TRPC5: variants seen among roughly 807,000 people sequenced by gnomAD.
The protein encoded by TRPC5 is transient receptor potential cation channel subfamily C member 5, also known as short transient receptor potential channel 5.
TRPC5 carries 9 observed loss-of-function variants against 56.5 expected under a neutral mutation model. The ratio of observed to expected loss-of-function variants is 0.16; its 90% CI spans 0.10 to 0.28. TRPC5 has a LOEUF of 0.28. Ranked by LOEUF, TRPC5 falls within the 10% of genes least tolerant of loss-of-function variation. The probability of loss-of-function intolerance (pLI) is 1.00; values close to 1 mark genes in which losing one functional copy is unlikely to be tolerated. For missense variants in TRPC5, 469 were observed against 748.9 expected, an observed-to-expected ratio of 0.63 and a Z score of 4.36; for synonymous variants, 282 against 278.5, an observed-to-expected ratio of 1.01 and a Z score of -0.13.
At chrX:111,791,749 G>A (rs1464228849) in intron 7 of TRPC5, among the ~76,000 whole-genome samples, 1 of 112,241 alleles carries the variant, frequency 8.9e-6, no homozygotes, top group Non-Finnish European at 1.9e-5. Context: ...CAAGCTACTG[G>A]TCTCATAAGC....
intron 3 of TRPC5, among the ~76,000 whole-genome samples, chrX:111,909,639 GCT>G (rs1473622318): frequency 3.6e-5 from 4 of 111,412 alleles, no homozygotes; most frequent in African/African-American, 1.3e-4. Context: ...AATCTCTGAT[GCT>G]TAATCAAGAG....
At position 112,004,230 on chromosome X, in the gene TRPC5, T is replaced by C. The variant is rs530447251; in HGVS notation, c.-21-51789A>G. Among the ~76,000 whole-genome samples, 27 of 112,071 alleles carry C rather than the reference T, an allele frequency of 2.4e-4. No homozygotes were observed. In the South Asian group the frequency reaches 0.01, roughly 42 times the overall value. On this transcript the variant is annotated intron_variant, in intron 1 of 10. Transcript: ENST00000262839. ...GAGTTATCTGTATGTTCTGTTGTTA[T>C]ATTATCAACAGAACATCTTAGTAGA...
chrX:111,950,182 A>G (rs914312832), intron 2 of TRPC5, among the ~76,000 whole-genome samples: 88 of 110,508 alleles, frequency 8.0e-4, no homozygotes, highest in African/African-American at 1.6e-3. Flanking sequence ...AAAATTAGCC[A>G]GGCGTGGTGG....
At chrX:112,056,464 A>G (rs1016321544) in intron 1 of TRPC5, among the ~76,000 whole-genome samples, 4 of 112,594 alleles carry the variant, frequency 3.6e-5, no homozygotes, top group South Asian at 7.3e-4. Flanking sequence ...AGTTCGATTT[A>G]GGGAATATTT....
chrX:111,993,746 GTTGT>G (rs1219964971), intron 1 of TRPC5, among the ~76,000 whole-genome samples: 1 of 112,144 alleles, frequency 8.9e-6, no homozygotes, highest in Non-Finnish European at 1.9e-5. Context: ...TTTTGATGGG[GTTGT>G]TTGTTTTTTT....
intron 3 of TRPC5, among the ~76,000 whole-genome samples, chrX:111,907,573 C>T (rs1925671898): frequency 9.1e-6 from 1 of 109,316 alleles, no homozygotes; most frequent in African/African-American, 3.3e-5. Flanking sequence ...TGCAGTGAGC[C>T]GAGATGGCAC....
chrX:111,946,844 T>C (rs1298958783), intron 2 of TRPC5, among the ~76,000 whole-genome samples: 1 of 112,312 alleles, frequency 8.9e-6, no homozygotes, highest in African/African-American at 3.2e-5. Context: ...TAGACAATAG[T>C]ACAAAATGAT....
intron 3 of TRPC5, among the ~76,000 whole-genome samples, chrX:111,894,916 C>T (rs781181098): frequency 8.1e-5 from 9 of 110,610 alleles, no homozygotes; most frequent in African/African-American, 2.6e-4. Flanking sequence ...ACTTTGTTCC[C>T]GTAGATTTGT....
intron 1 of TRPC5, among the ~76,000 whole-genome samples, chrX:112,039,359 C>T (rs1929835571): frequency 1.8e-5 from 2 of 111,978 alleles, no homozygotes; most frequent in South Asian, 3.8e-4. Context: ...ACACTCTGTA[C>T]CTAATGCCTG....
chrX:111,960,526 C>T (rs1272818924), intron 1 of TRPC5, among the ~76,000 whole-genome samples: 1 of 112,092 alleles, frequency 8.9e-6, no homozygotes, highest in Admixed American at 9.5e-5. Context: ...ACTTTGTCTG[C>T]GTGATATTCT....
At chrX:111,851,700 G>A (rs889091264) in intron 5 of TRPC5, among the ~76,000 whole-genome samples, 1 of 111,064 alleles carries the variant, frequency 9.0e-6, no homozygotes, top group African/African-American at 3.3e-5. Context: ...CTGGGATTCT[G>A]CTACTTGTCA....
intron 1 of TRPC5, among the ~76,000 whole-genome samples, chrX:111,954,426 G>A (rs1927173637): frequency 1.8e-5 from 2 of 111,947 alleles, no homozygotes; most frequent in South Asian, 3.8e-4. Context: ...CTTGGAGGAT[G>A]AATTAAACAT....
At chrX:111,856,401 G>A (rs764576543) in intron 3 of TRPC5, among the ~76,000 whole-genome samples, 5 of 108,542 alleles carry the variant, frequency 4.6e-5, no homozygotes, top group South Asian at 4.2e-4. Context: ...ATTGTGGGGC[G>A]TGTTGGCGTG....
intron 7 of TRPC5, among the ~76,000 whole-genome samples, chrX:111,807,244 G>A (rs750642064): frequency 9.0e-6 from 1 of 111,079 alleles, no homozygotes; most frequent in Admixed American, 9.6e-5. Context: ...ATCTTGTAGG[G>A]ATGCTTCATT....
rs757398034 is a variant in TRPC5 at position 112,047,025 on chromosome X, A to G, written c.-22+34854T>C. Among the ~76,000 whole-genome samples, 10 of 111,902 alleles carry G rather than the reference A, an allele frequency of 8.9e-5. No individual in the cohort carries two copies. In the South Asian group the frequency reaches 3.4e-3, roughly 38 times the overall value. ...CACTTTGAGAAGGAATCGCTCCACT[A>G]GACGATTAGCTTTGTGAGGGCAGGG... On this transcript the variant is annotated intron_variant, in intron 1 of 10. Transcript: ENST00000262839.
chrX:112,075,653 A>AG (rs751056304), intron 1 of TRPC5, among the ~76,000 whole-genome samples: 16 of 111,871 alleles, frequency 1.4e-4, no homozygotes, highest in Non-Finnish European at 2.8e-4. Context: ...AACAAAGCAG[A>AG]AGAGGAAGGC....
chrX:111,936,227 G>T (rs1271699157), intron 2 of TRPC5, among the ~76,000 whole-genome samples: 3 of 111,379 alleles, frequency 2.7e-5, no homozygotes, highest in African/African-American at 9.8e-5. Context: ...AAATGAGATT[G>T]CTTTCTTGAT....
intron 1 of TRPC5, among the ~76,000 whole-genome samples, chrX:111,977,324 C>T (rs756132517): frequency 9.0e-6 from 1 of 111,190 alleles, no homozygotes; most frequent in Admixed American, 9.6e-5. Context: ...AAAAAATAAA[C>T]GCACACATTT....
chrX:111,794,789 C>A (rs1946047364), intron 7 of TRPC5, among the ~76,000 whole-genome samples: 1 of 111,240 alleles, frequency 9.0e-6, no homozygotes, highest in Admixed American at 9.6e-5. Context: ...GAGCACAATT[C>A]CATTCAAGAA....
Sources: gnomAD v4.1 joint callset for allele counts (sites outside exome capture counted in the v4.1 genomes callset) on GRCh38, gnomAD v4.1.1 for gene constraint, MANE v1.5 for transcripts, NCBI Gene and HGNC (gene_info 2026-07-23, HGNC 2026-07-21) for gene names.